The following KLF13 variants were observed in gnomAD, a reference collection of about 807,000 sequenced individuals.
KLF13 encodes KLF transcription factor 13, also known as Krueppel-like factor 13.
KLF13 carries 8 observed loss-of-function variants against 16.7 expected under a neutral mutation model. That is an observed-to-expected ratio of 0.48 (90% CI 0.28 to 0.87). KLF13 has a LOEUF of 0.87. Ranked by LOEUF, KLF13 falls within the 40% of genes least tolerant of loss-of-function variation. The probability of loss-of-function intolerance (pLI) is 0.10; values close to 1 mark genes in which losing one functional copy is unlikely to be tolerated. For synonymous variants in KLF13, 245 were observed against 208.4 expected (o/e 1.18, Z -1.51); for missense variants, 447 against 452.2 (o/e 0.99, Z 0.10).
chr15:31,351,069 A>G (rs995423534), intron 1 of KLF13, among the ~76,000 whole-genome samples: 17 of 152,182 alleles, frequency 1.1e-4, no homozygotes, highest in Non-Finnish European at 2.2e-4. Flanking sequence ...CCTGGCGCAG[A>G]TTCTGAGTTG....
rs929561670 is a variant in KLF13 at position 31,393,538 on chromosome 15, C to G, written n.414-38C>G. On this transcript the variant is annotated intron_variant and non_coding_transcript_variant, in intron 1 of 2. Transcript: ENST00000500533. ...CAGCACCCTTGTCCCTCGGTCCTCCCACTACTCGTCTAGTACTCCCTACAC... is the reference window on the plus strand; with the variant it reads ...CAGCACCCTTGTCCCTCGGTCCTCCGACTACTCGTCTAGTACTCCCTACAC... 2.0e-5 allele frequency: 3 copies of G among 152,302 alleles called. 1 individual carries two copies. The highest frequency in any genetic ancestry group is 4.1e-4 in the South Asian group (2 of 4,830). 9.4% of individuals were successfully genotyped at this position (152,302 alleles called of 1,614,324 possible). A position where few individuals can be genotyped will look rare whatever the true frequency, so the allele number is the denominator to read the frequency against.
At chr15:31,367,982 C>T (rs1410248113) in intron 1 of KLF13, among the ~76,000 whole-genome samples, 1 of 152,096 alleles carries the variant, frequency 6.6e-6, no homozygotes, top group Non-Finnish European at 1.5e-5. Flanking sequence ...GGAGAATCCA[C>T]TCCATACCTC....
At chr15:31,334,149 A>G (rs1454803311) in intron 1 of KLF13, among the ~76,000 whole-genome samples, 3 of 152,332 alleles carry the variant, frequency 2.0e-5, no homozygotes, top group Non-Finnish European at 2.9e-5. Flanking sequence ...GAGGAGGCCT[A>G]GGTGCTCCTT....
chr15:31,390,629 A>G (rs2039850635), upstream of KLF13, among the ~76,000 whole-genome samples: 1 of 152,192 alleles, frequency 6.6e-6, no homozygotes, highest in Non-Finnish European at 1.5e-5. Flanking sequence ...CCTGCATTCC[A>G]CGGAGCACTC....
At chr15:31,357,891 T>G (rs1220030107) in intron 1 of KLF13, among the ~76,000 whole-genome samples, 1 of 152,208 alleles carries the variant, frequency 6.6e-6, no homozygotes, top group African/African-American at 2.4e-5. Context: ...TCTTTCTAAT[T>G]TCTTGCTTCC....
chr15:31,378,352 C>G (rs1332773051), downstream of KLF13, among the ~76,000 whole-genome samples: 2 of 152,308 alleles, frequency 1.3e-5, no homozygotes, highest in Admixed American at 6.5e-5. Context: ...TACCAAAGTT[C>G]CTACAACCTA....
intron 2 of KLF13, among the ~76,000 whole-genome samples, chr15:31,395,771 TTAA>T (rs1259071826): frequency 1.3e-5 from 2 of 152,224 alleles, no homozygotes. Context: ...TTAATTTCAC[TTAA>T]TAATATCACA....
intron 1 of KLF13, among the ~76,000 whole-genome samples, chr15:31,366,729 C>CCTCACTGTGTGCCCCACTGTG (rs1555376578): frequency 6.7e-6 from 1 of 150,170 alleles, no homozygotes; most frequent in Non-Finnish European, 1.5e-5. Context: ...TGGCCCCTCA[C>CCTCACTGTGTGCCCCACTGTG]CTCACTGTGT....
chr15:31,344,496 G>C (rs1296388089), intron 1 of KLF13, among the ~76,000 whole-genome samples: 1 of 152,198 alleles, frequency 6.6e-6, no homozygotes, highest in African/African-American at 2.4e-5. Context: ...GTGGCCTTTG[G>C]GGGTGACTTC....
intron 1 of KLF13, among the ~76,000 whole-genome samples, chr15:31,360,715 T>C (rs1303865296): frequency 4.6e-5 from 7 of 152,188 alleles, no homozygotes; most frequent in Admixed American, 1.3e-4. Flanking sequence ...TTGTTGTTGT[T>C]GTTTTGTCTC....
chr15:31,406,685 A>AT (rs373411806), downstream of KLF13, among the ~76,000 whole-genome samples: 4 of 152,364 alleles, frequency 2.6e-5, no homozygotes, highest in East Asian at 7.7e-4. Flanking sequence ...GCAGGACTGC[A>AT]TTCCTTCTGG....
chr15:31,420,313 G>C lies in KLF13; in HGVS notation n.118-15057G>C, dbSNP rs971431758. ...TTGAATCAGACAACCTTTTCAAATG[G>C]GTAGGGACCATCCATGGAGCAGCTG... On this transcript the variant is annotated intron_variant and non_coding_transcript_variant, in intron 1 of 1. Coordinates refer to the KLF13 transcript ENST00000558225. 9.4e-6 allele frequency: 9 copies of C among 961,338 alleles called. No individual in the cohort carries two copies. The Admixed American group carries it at 1.2e-4, about 13-fold the overall frequency. The allele number at this position is 961,338 out of a possible 1,614,324, so 59.6% of individuals were successfully genotyped here. A position where few individuals can be genotyped will look rare whatever the true frequency, so the allele number is the denominator to read the frequency against.
upstream of KLF13, among the ~76,000 whole-genome samples, chr15:31,392,004 C>G (rs1248790771): frequency 6.6e-6 from 1 of 151,986 alleles, no homozygotes; most frequent in Non-Finnish European, 1.5e-5. Context: ...GGGCGGGCGC[C>G]GAGCCCGGCC....
At chr15:31,384,158 G>C (rs1311943170) in intron 1 of KLF13, among the ~76,000 whole-genome samples, 1 of 152,158 alleles carries the variant, frequency 6.6e-6, no homozygotes, top group African/African-American at 2.4e-5. Flanking sequence ...GGGTAGGTAG[G>C]CCAGGTGAGG....
In KLF13 at chr15:31,375,716, T is replaced by C. The variant is rs754926624; in HGVS notation, c.*3417T>C. 6 of 152,158 alleles carry C rather than the reference T, an allele frequency of 3.9e-5. No homozygotes were observed. Among genetic ancestry groups the C allele is most frequent in the Non-Finnish European group, 7.3e-5 (5 of 68,036 alleles). The allele number at this position is 152,158 out of a possible 1,614,324, so 9.4% of individuals were successfully genotyped here. A position where few individuals can be genotyped will look rare whatever the true frequency, so the allele number is the denominator to read the frequency against. ...AAATGCCTACTGGATCCTACAGCCA[T>C]ACAGGAAAACAGACGGACACAGCCC... On this transcript the variant is annotated 3_prime_UTR_variant, in exon 2 of 2. Transcript: ENST00000307145.
chr15:31,398,627 C>T (rs1489534816), intron 2 of KLF13, among the ~76,000 whole-genome samples: 1 of 152,174 alleles, frequency 6.6e-6, no homozygotes, highest in East Asian at 1.9e-4. Flanking sequence ...AAGCTCAGGG[C>T]TCCGAGCCCT....
chr15:31,393,427 C>G (rs1179302068), intron 1 of KLF13: 2 of 151,724 alleles, frequency 1.3e-5, no homozygotes, highest in African/African-American at 4.9e-5. Context: ...GGCCCGTCCC[C>G]CCCCCGTCCC....
chr15:31,367,705 G>A (rs2039497173), intron 1 of KLF13, among the ~76,000 whole-genome samples: 1 of 152,176 alleles, frequency 6.6e-6, no homozygotes. Context: ...AGTTGACAGG[G>A]CTAATGACTA....
chr15:31,396,782 T>C (rs2039956754), intron 2 of KLF13, among the ~76,000 whole-genome samples: 1 of 152,210 alleles, frequency 6.6e-6, no homozygotes, highest in Non-Finnish European at 1.5e-5. Context: ...TTTCTAATTT[T>C]TTGGCTAATT....
Sources: allele counts gnomAD v4.1 joint callset (sites outside exome capture counted in the v4.1 genomes callset), GRCh38; gene constraint gnomAD v4.1.1; transcripts MANE v1.5; gene names NCBI Gene and HGNC (gene_info 2026-07-23, HGNC 2026-07-21).